MPPED1: variants seen among roughly 807,000 people sequenced by gnomAD.
MPPED1 encodes the protein metallophosphoesterase domain containing 1, also known as metallophosphoesterase domain-containing protein 1.
Under a neutral mutation model 36.2 loss-of-function variants are expected in MPPED1, and 16 were observed. The ratio of observed to expected loss-of-function variants is 0.44; its 90% CI spans 0.30 to 0.67. MPPED1 has a LOEUF of 0.67. Among genes scored for constraint, MPPED1 ranks in the 30% least tolerant of loss-of-function variants. MPPED1 has a pLI of 0.10. For synonymous variants in MPPED1, 199 were observed against 191.3 expected, an observed-to-expected ratio of 1.04 and a Z score of -0.33; for missense variants, 307 against 453.4, an observed-to-expected ratio of 0.68 and a Z score of 2.93.
chr22:43,421,971 C>T (rs1277856526), intron 1 of MPPED1, among the ~76,000 whole-genome samples: 1 of 152,214 alleles, frequency 6.6e-6, no homozygotes, highest in Non-Finnish European at 1.5e-5. Context: ...TCTGGAGGTT[C>T]AGCCGCTTGC....
intron 3 of MPPED1, among the ~76,000 whole-genome samples, chr22:43,459,030 CA>C (rs1301491283): frequency 1.3e-5 from 2 of 151,878 alleles, no homozygotes; most frequent in African/African-American, 4.8e-5. Flanking sequence ...TAATGTTTTT[CA>C]TCAAATTTGG....
At chr22:43,485,335 AAC>A (rs986365841) in intron 4 of MPPED1, among the ~76,000 whole-genome samples, 9 of 151,466 alleles carry the variant, frequency 5.9e-5, no homozygotes, top group Admixed American at 2.0e-4. Context: ...CATACACATG[AAC>A]ACACACATTC....
At chr22:43,422,094 GC>G (rs35774618) in intron 1 of MPPED1, among the ~76,000 whole-genome samples, 1 of 152,148 alleles carries the variant, frequency 6.6e-6, no homozygotes, top group African/African-American at 2.4e-5. Context: ...TGAAATGAAG[GC>G]CCCAGATCCA....
intron 1 of MPPED1, among the ~76,000 whole-genome samples, chr22:43,422,032 G>C (rs1422763690): frequency 6.6e-6 from 1 of 152,150 alleles, no homozygotes; most frequent in Non-Finnish European, 1.5e-5. Context: ...GGGTGCACAA[G>C]GGGGGAGCCC....
At chr22:43,499,482 TTATGGGGGTGGTGATGGTGGTAATGGA>T (rs1932551430) in intron 5 of MPPED1, among the ~76,000 whole-genome samples, 1 of 126,562 alleles carries the variant, frequency 7.9e-6, no homozygotes, top group Non-Finnish European at 1.7e-5. Context: ...GTGGTGGTGG[TTATGGGGGTGGTGATGGTGGTAATGGA>T]GGTGATGGTG....
At chr22:43,482,745 C>T (rs1368916072) in intron 4 of MPPED1, among the ~76,000 whole-genome samples, 2 of 152,242 alleles carry the variant, frequency 1.3e-5, no homozygotes, top group Non-Finnish European at 2.9e-5. Context: ...GGTGGTTTCT[C>T]TACCGCCCAC....
At chr22:43,420,191 A>T (rs753202011) in intron 1 of MPPED1, among the ~76,000 whole-genome samples, 10 of 152,134 alleles carry the variant, frequency 6.6e-5, no homozygotes, top group Non-Finnish European at 1.3e-4. Context: ...GCAGCCTGAG[A>T]TGGAATTTAA....
At chr22:43,439,327 C>T (rs927937690) in intron 3 of MPPED1, among the ~76,000 whole-genome samples, 2 of 152,326 alleles carry the variant, frequency 1.3e-5, no homozygotes, top group South Asian at 2.1e-4. Context: ...TTGTAAATGT[C>T]GAGTAAGCAG....
At chr22:43,444,276 T>TGGG (rs1555945959) in intron 3 of MPPED1, among the ~76,000 whole-genome samples, 6 of 106,158 alleles carry the variant, frequency 5.7e-5, no homozygotes, top group African/African-American at 2.1e-4. Flanking sequence ...TGAGACCCAC[T>TGGG]GGGGTGTGTG....
At chr22:43,491,097 C>T (rs1471833106) in intron 4 of MPPED1, among the ~76,000 whole-genome samples, 1 of 152,166 alleles carries the variant, frequency 6.6e-6, no homozygotes, top group Non-Finnish European at 1.5e-5. Flanking sequence ...TCTTGGGGAG[C>T]TGATGTTTTC....
At chr22:43,490,152 C>T (rs142766464) in intron 4 of MPPED1, among the ~76,000 whole-genome samples, 80,717 of 152,144 alleles carry the variant, frequency 0.53, 21,605 homozygotes, top group African/African-American at 0.59. Flanking sequence ...TCTGGGCCCC[C>T]GGACCCAATG....
rs547267571 is a variant in MPPED1, at chr22:43,467,942, C to T, written c.407-6794C>T. On this transcript the variant is annotated intron_variant, in intron 3 of 6. Transcript: ENST00000443721. ...GTTAAATGGGATGGGTAAGTGTTAG[C>T]GATAAAGAATTGTACCTTTTGGAGG... Among the ~76,000 whole-genome samples the T allele has an allele frequency of 3.3e-4, 50 of 152,134 alleles. 2 individuals carry two copies. The South Asian group carries it at 7.9e-3, about 24-fold the overall frequency.
Position 43,504,116 on chromosome 22 carries a change from G to T in MPPED1, c.862+1359G>T, listed in dbSNP as rs577646853. Among the ~76,000 whole-genome samples, 12 of 148,040 alleles carry T rather than the reference G, an allele frequency of 8.1e-5. No individual in the cohort carries two copies. The Middle Eastern group carries it at 0.014, about 170-fold the overall frequency. On this transcript the variant is annotated intron_variant, in intron 6 of 6. Coordinates refer to ENST00000443721, the MANE Select transcript of MPPED1 (RefSeq NM_001044370.2). The stretch of plus-strand genomic sequence containing the variant: ...GATGGCCATGTTCACAGTGGTGTGG[G>T]TAGTGATGATGGTGATAGTAATAAT...
chr22:43,494,522 C>A (rs1932194925), intron 4 of MPPED1, among the ~76,000 whole-genome samples: 1 of 152,214 alleles, frequency 6.6e-6, no homozygotes. Context: ...TCTATGTTAT[C>A]ACATGGCCCT....
rs135033 is a variant in MPPED1, at chr22:43,460,206, AAAAAACAAAAACAAAAAC to A, written c.407-14496_407-14479del. On this transcript the variant is annotated intron_variant, in intron 3 of 6. Transcript: ENST00000443721. ...TGGCGACAGAGTGAGACTCCATCTC[AAAAAACAAAAACAAAAAC>A]AAAAACAAAAACAAAAACAAAAACA... Among the ~76,000 whole-genome samples the A allele has an allele frequency of 1.9e-3, 249 of 128,998 alleles. 5 individuals carry two copies. Among genetic ancestry groups the A allele is most frequent in the African/African-American group, 7.1e-3 (228 of 32,210 alleles). The allele number at this position is 128,998 out of a possible 152,430, so 84.6% of individuals were successfully genotyped here. A position where few individuals can be genotyped will look rare whatever the true frequency, so the allele number is the denominator to read the frequency against.
chr22:43,500,343 GTGGTGA>G (rs1932678025), intron 5 of MPPED1, among the ~76,000 whole-genome samples: 2 of 144,098 alleles, frequency 1.4e-5, no homozygotes, highest in African/African-American at 2.8e-5. Flanking sequence ...GGAGGTGGTG[GTGGTGA>G]TGGTGATGGA....
At chr22:43,466,284 C>T (rs1021942471) in intron 3 of MPPED1, among the ~76,000 whole-genome samples, 2 of 152,114 alleles carry the variant, frequency 1.3e-5, no homozygotes, top group African/African-American at 4.8e-5. Context: ...GTCTGCAGCT[C>T]ATTGGGGGGT....
Position 43,412,050 on chromosome 22 carries a change from C to A in MPPED1, c.-187C>A. The A allele has an allele frequency of 1.0e-6, 1 of 978,854 alleles. No homozygotes were observed. The highest frequency in any genetic ancestry group is 1.2e-6 in the Non-Finnish European group (1 of 827,334). The allele number at this position is 978,854 out of a possible 1,614,324, so 60.6% of individuals were successfully genotyped here. A position where few individuals can be genotyped will look rare whatever the true frequency, so the allele number is the denominator to read the frequency against. On this transcript the variant is annotated 5_prime_UTR_variant, in exon 1 of 7. Coordinates refer to ENST00000443721, the MANE Select transcript of MPPED1 (RefSeq NM_001044370.2). ...CGGACGCGCGGCGAGGCGGCCGCCGCCGGAGGAGCCCCCGCCCCTGCGCGC... is the reference window on the plus strand; with the variant it reads ...CGGACGCGCGGCGAGGCGGCCGCCGACGGAGGAGCCCCCGCCCCTGCGCGC...
chr22:43,479,311 A>G (rs552953409), intron 4 of MPPED1, among the ~76,000 whole-genome samples: 1 of 152,332 alleles, frequency 6.6e-6, no homozygotes, highest in South Asian at 2.1e-4. Context: ...GCACAGTTAG[A>G]CCAGCAGGCA....
Sources: gnomAD v4.1 joint callset for allele counts (sites outside exome capture counted in the v4.1 genomes callset) on GRCh38, gnomAD v4.1.1 for gene constraint, MANE v1.5 for transcripts, NCBI Gene and HGNC (gene_info 2026-07-23, HGNC 2026-07-21) for gene names.